BICRA: variants seen among roughly 807,000 people sequenced by gnomAD.
BICRA encodes BRD4 interacting chromatin remodeling complex associated protein, also known as BRD4-interacting chromatin-remodeling complex-associated protein.
In BICRA, 31 loss-of-function variants were observed where a neutral mutation model predicts 96.9. The observed-to-expected ratio is 0.32, with a 90% CI of 0.24 to 0.43. BICRA has a LOEUF of 0.43. Among genes scored for constraint, BICRA ranks in the 20% least tolerant of loss-of-function variants. BICRA has a pLI of 1.00. For missense variants in BICRA, 2,283 were observed against 2,190.3 expected, an observed-to-expected ratio of 1.04 and a Z score of -0.84; for synonymous variants, 1,350 against 1,071.8, an observed-to-expected ratio of 1.26 and a Z score of -5.07.
chr19:47,638,287 G>A (rs903390990), intron 1 of BICRA, among the ~76,000 whole-genome samples: 1 of 152,224 alleles, frequency 6.6e-6, no homozygotes, highest in Non-Finnish European at 1.5e-5. Context: ...AGGGACAGAA[G>A]GGACAGCCTG....
chr19:47,694,647 C>T lies in BICRA; in HGVS notation c.2816C>T (p.Pro939Leu). Residue 939 changes from proline (P) to leucine (L), a missense_variant, in exon 8 of 15, where the codon CCT (proline) becomes CTT (leucine). Pro to Leu is a moderately conservative substitution (Grantham distance 98, BLOSUM62 -3). Coordinates refer to ENST00000594866, the MANE Select transcript of BICRA (RefSeq NM_001394372.1). ...GAGCCGGCAGCACCCCCCCCACCGC[C>T]TCCTCGGACCTTCCAGATGGTGACC... is the stretch of plus-strand genomic sequence containing the variant. ...VPEPAAPPPP[P>L]PRTFQMVTTP... The T allele has an allele frequency of 2.5e-6, 4 of 1,590,204 alleles. No homozygotes were observed. Among genetic ancestry groups the T allele is most frequent in the East Asian group, 4.5e-5 (2 of 44,578 alleles).
intron 7 of BICRA, among the ~76,000 whole-genome samples, chr19:47,686,613 A>G (rs1973162818): frequency 6.6e-6 from 1 of 152,036 alleles, no homozygotes; most frequent in East Asian, 1.9e-4. Flanking sequence ...CAAACTCCTG[A>G]CCTCAGGTGA....
At chr19:47,623,295 T>G (rs1196245629) in intron 1 of BICRA, among the ~76,000 whole-genome samples, 2 of 152,158 alleles carry the variant, frequency 1.3e-5, no homozygotes, top group East Asian at 1.9e-4. Flanking sequence ...AGTGCTGTGT[T>G]TAGAGGGTCG....
Position 47,702,531 on chromosome 19 carries a change from C to A in BICRA, c.*116C>A. On this transcript the variant is annotated 3_prime_UTR_variant, in exon 15 of 15. Transcript: ENST00000594866. ...GGGATCCCCTGACGGTTTTTCTTGC[C>A]TAAGTTATTTGAGTCACAAAGGCCT... 15 of 1,245,772 alleles carry A rather than the reference C, an allele frequency of 1.2e-5. No individual in the cohort carries two copies. The highest frequency in any genetic ancestry group is 1.6e-5 in the Non-Finnish European group (15 of 955,596). 77.2% of individuals were successfully genotyped at this position (1,245,772 alleles called of 1,614,324 possible). A position where few individuals can be genotyped will look rare whatever the true frequency, so the allele number is the denominator to read the frequency against.
rs567155184 is a variant in BICRA at position 47,629,376 on chromosome 19, GTC to G, written c.-108+20212_-108+20213del. 1.6e-4 allele frequency among the ~76,000 whole-genome samples: 24 copies of G among 152,274 alleles called. No individual in the cohort carries two copies. The East Asian group carries it at 4.0e-3, about 26-fold the overall frequency. On this transcript the variant is annotated intron_variant, in intron 1 of 14. Coordinates refer to ENST00000594866, the MANE Select transcript of BICRA (RefSeq NM_001394372.1). ...CCTAGTAGCCTCCATTCAACTTTCT[GTC>G]TCTATGAATTTGACTTTAAGTGCCA...
At chr19:47,637,684 C>T (rs927472090) in intron 1 of BICRA, among the ~76,000 whole-genome samples, 8 of 152,286 alleles carry the variant, frequency 5.3e-5, no homozygotes, top group East Asian at 3.9e-4. Flanking sequence ...ATACCCACTA[C>T]GAAGCCACTC....
At chr19:47,634,234 C>G (rs1452010231) in intron 1 of BICRA, among the ~76,000 whole-genome samples, 1 of 152,186 alleles carries the variant, frequency 6.6e-6, no homozygotes, top group Non-Finnish European at 1.5e-5. Context: ...AACCCATTCT[C>G]TGAAGGCTCA....
chr19:47,653,956 C>T (rs1972577331), intron 1 of BICRA, among the ~76,000 whole-genome samples: 1 of 152,140 alleles, frequency 6.6e-6, no homozygotes, highest in Non-Finnish European at 1.5e-5. Context: ...CCTCAGGCTC[C>T]CGAGTAGCTG....
At chr19:47,657,399 A>AT (rs36052673) in intron 1 of BICRA, among the ~76,000 whole-genome samples, 2,638 of 142,422 alleles carry the variant, frequency 0.019, 59 homozygotes, top group African/African-American at 0.056. Context: ...CTGCTGTGAA[A>AT]TTTTTTTTTT....
At chr19:47,685,782 T>TGCGCGCGCGCGCGC (rs1204894941) in intron 7 of BICRA, among the ~76,000 whole-genome samples, 1 of 124,842 alleles carries the variant, frequency 8.0e-6, no homozygotes, top group Admixed American at 8.3e-5. Context: ...TGTGTGTGTG[T>TGCGCGCGCGCGCGC]GTGTGCGCGC....
intron 1 of BICRA, among the ~76,000 whole-genome samples, chr19:47,638,067 C>T (rs1204895968): frequency 1.3e-5 from 2 of 152,162 alleles, no homozygotes; most frequent in East Asian, 3.9e-4. Flanking sequence ...TGTGCTCTCT[C>T]GGCACCCACG....
Position 47,701,369 on chromosome 19 carries a change from G to T in BICRA, c.3637G>T (p.Ala1213Ser). The change falls in exon 15 of 15, where the codon GCA becomes TCA. Residue 1213 changes from alanine to serine, a missense_variant. Ala to Ser is a moderately conservative substitution (Grantham distance 99). Coordinates refer to ENST00000594866, the MANE Select transcript of BICRA (RefSeq NM_001394372.1). This position sits in a 1 kb window ranked among gnomAD's most constrained non-coding sequence, Gnocchi z 5.4. ...SSSRSLGLPI[A>S]ASSEGHRLPG... ...CTCCCGCTCGCTCGGCCTCCCCATC[G>T]CAGCCTCTTCCGAGGGTCATCGGCT... 6.2e-7 allele frequency: 1 copy of T among 1,610,890 alleles called. No homozygotes were observed. The highest frequency in any genetic ancestry group is 8.5e-7 in the Non-Finnish European group (1 of 1,179,216).
intron 7 of BICRA, among the ~76,000 whole-genome samples, chr19:47,692,450 G>A (rs1213710598): frequency 1.3e-5 from 2 of 151,842 alleles, no homozygotes; most frequent in Non-Finnish European, 2.9e-5. Flanking sequence ...GGCTGGTCTC[G>A]AACTCCTGAC....
intron 1 of BICRA, chr19:47,626,057 ACT>A (rs1972134553): frequency 6.6e-6 from 1 of 151,750 alleles, no homozygotes; most frequent in African/African-American, 2.4e-5. Context: ...CACACACTTG[ACT>A]CTGTATCCCA....
intron 1 of BICRA, among the ~76,000 whole-genome samples, chr19:47,646,145 G>T (rs1972455804): frequency 6.6e-6 from 1 of 152,098 alleles, no homozygotes; most frequent in South Asian, 2.1e-4. Flanking sequence ...AGGGCAGGGG[G>T]GCGTCAGCCA....
Position 47,680,188 on chromosome 19 carries a change from C to G in BICRA, c.1018C>G (p.Pro340Ala), listed in dbSNP as rs1434287792. 1.3e-6 allele frequency: 2 copies of G among 1,545,358 alleles called. No individual in the cohort carries two copies. The highest frequency in any genetic ancestry group is 1.4e-5 in the African/African-American group (1 of 72,354). The change falls in exon 6 of 15, where the codon CCC becomes GCC. Residue 340 changes from proline (P) to alanine (A), a missense_variant. Pro to Ala is a conservative substitution (Grantham distance 27). Coordinates refer to ENST00000594866, the MANE Select transcript of BICRA (RefSeq NM_001394372.1). ...GLGSSPLVPAPNVILHRTPTP... is the reference protein window; with the variant it reads ...GLGSSPLVPAANVILHRTPTP... ...CGGCTCGTCGCCACTGGTCCCGGCG[C>G]CCAACGTGATCCTGCATCGCACACC...
At position 47,682,028 on chromosome 19, in the gene BICRA, C is replaced by T. The variant is rs1354912111; in HGVS notation, c.2159C>T (p.Ala720Val). Residue 720 changes from alanine to valine, a missense_variant, in exon 7 of 15, where the codon GCC (alanine) becomes GTC (valine). Transcript: ENST00000594866. ...GAGGGCCCCCACCTCTCCGTGCCTG[C>T]CTCGGTCATAGTCAGCGCCCCGCCT... ...SAEGPHLSVP[A>V]SVIVSAPPPA... 2 of 1,569,662 alleles carry T rather than the reference C, an allele frequency of 1.3e-6. No individual in the cohort carries two copies. Among genetic ancestry groups the T allele is most frequent in the Non-Finnish European group, 1.7e-6 (2 of 1,160,446 alleles).
chr19:47,692,679 TG>T (rs1166962544), intron 7 of BICRA, among the ~76,000 whole-genome samples: 2 of 152,180 alleles, frequency 1.3e-5, no homozygotes, highest in African/African-American at 4.8e-5. Context: ...TTCTTAGAGG[TG>T]GCAAACCTTT....
At chr19:47,648,497 G>C (rs1036535703) in intron 1 of BICRA, among the ~76,000 whole-genome samples, 1 of 151,630 alleles carries the variant, frequency 6.6e-6, no homozygotes, top group African/African-American at 2.4e-5. Context: ...GTCAGATAGC[G>C]ATCGGCACCT....
Sources: gnomAD v4.1 joint callset for allele counts (sites outside exome capture counted in the v4.1 genomes callset) on GRCh38, gnomAD v4.1.1 for gene constraint, Gnocchi (gnomAD v3.1) non-coding constraint, MANE v1.5 for transcripts, NCBI Gene and HGNC (gene_info 2026-07-23, HGNC 2026-07-21) for gene names.